Variants in SYT13 observed in about 807,000 individuals in gnomAD.
SYT13 encodes the protein synaptotagmin 13, also known as synaptotagmin-13.
SYT13 carries 21 observed loss-of-function variants against 38.6 expected under a neutral mutation model. That is an observed-to-expected ratio of 0.54 (90% CI 0.39 to 0.78). The LOEUF (loss-of-function observed/expected upper bound fraction) is 0.78, where lower values mean the gene tolerates loss of function less well. Among genes scored for constraint, SYT13 ranks in the 30% least tolerant of loss-of-function variants. The probability of loss-of-function intolerance (pLI) is 0.00; values close to 1 mark genes in which losing one functional copy is unlikely to be tolerated. For synonymous variants in SYT13, 241 were observed against 237.6 expected, an observed-to-expected ratio of 1.01 and a Z score of -0.13; for missense variants, 495 against 548.7, an observed-to-expected ratio of 0.90 and a Z score of 0.98.
chr11:45,244,132 C>T lies in SYT13; in HGVS notation c.1201G>A (p.Gly401Ser). ...TCCTCCCAGTGGCTGCGCTCAGAGC[C>T]CGAGGTGTGCAGGCCCAGGCTGCAG... is the stretch of plus-strand genomic sequence containing the variant. ...GHCSLGLHTS[G>S]SERSHWEEML... Residue 401 changes from glycine (G) to serine (S), a missense_variant, in exon 6 of 6, where the codon GGC becomes AGC. Coordinates refer to ENST00000020926, the MANE Select transcript of SYT13 (RefSeq NM_020826.3). 1 of 1,613,500 alleles carries T rather than the reference C, an allele frequency of 6.2e-7. No individual in the cohort carries two copies. Among genetic ancestry groups the T allele is most frequent in the Non-Finnish European group, 8.5e-7 (1 of 1,179,962 alleles).
At position 45,250,658 on chromosome 11, in the gene SYT13, A is replaced by T. The variant is rs114453422; in HGVS notation, c.846+1763T>A. Among the ~76,000 whole-genome samples the T allele has an allele frequency of 7.2e-3, 1,089 of 152,214 alleles. 14 individuals are homozygous for T. The highest frequency in any genetic ancestry group is 0.025 in the African/African-American group (1,042 of 41,508). On this transcript the variant is annotated intron_variant, in intron 4 of 5. Transcript: ENST00000020926. Reference sequence around the variant, plus strand: ...GTCCCAAATCACACACTAATTAGAGAGTGGGCTTTGGAACAGCTGAGTTCC... The same window carrying T: ...GTCCCAAATCACACACTAATTAGAGTGTGGGCTTTGGAACAGCTGAGTTCC...
rs771143622 is a variant in SYT13, at chr11:45,255,667, A to T, written c.408T>A (p.Asn136Lys). 2.5e-5 allele frequency: 41 copies of T among 1,613,844 alleles called. No homozygotes were observed. The South Asian group carries it at 3.8e-4, about 15-fold the overall frequency. The change falls in exon 2 of 6, where the codon AAT (asparagine) becomes AAA (lysine). Residue 136 changes from asparagine (N) to lysine (K), a missense_variant and splice_region_variant. Physicochemically the swap from Asn to Lys is moderately conservative, Grantham distance 94 (BLOSUM62 0). Coordinates refer to ENST00000020926, the MANE Select transcript of SYT13 (RefSeq NM_020826.3). The stretch of plus-strand genomic sequence containing the variant: ...GTGCAGGGGGCAGGAGACCCCTACC[A>T]TTCTGAGGGAGGATGAACAGCTCCT... ...VTEELFILPQ[N>K]GVVEDVCVME...
chr11:45,283,694 G>A (rs940763740), intron 1 of SYT13, among the ~76,000 whole-genome samples: 11 of 152,320 alleles, frequency 7.2e-5, no homozygotes, highest in African/African-American at 2.6e-4. Flanking sequence ...GGATGGGCAG[G>A]TATCATGTAT....
chr11:45,244,665 TCTC>T (rs1854593394), intron 5 of SYT13, among the ~76,000 whole-genome samples: 1 of 152,186 alleles, frequency 6.6e-6, no homozygotes, highest in African/African-American at 2.4e-5. Flanking sequence ...TGGGGATTAT[TCTC>T]CACTCCCCCA....
rs1409640582 is a variant in SYT13, at chr11:45,275,242, A to T, written c.183+10783T>A. 2.6e-5 allele frequency among the ~76,000 whole-genome samples: 4 copies of T among 152,216 alleles called. No individual in the cohort carries two copies. The East Asian group carries it at 7.7e-4, about 29-fold the overall frequency. ...AGTCCTGCTCAACTTTCTGTGACAGAAAAAGCATGTCTTGGACTTAATGAG... is the reference window on the plus strand; with the variant it reads ...AGTCCTGCTCAACTTTCTGTGACAGTAAAAGCATGTCTTGGACTTAATGAG... On this transcript the variant is annotated intron_variant, in intron 1 of 5. Coordinates refer to ENST00000020926, the MANE Select transcript of SYT13 (RefSeq NM_020826.3).
intron 2 of SYT13, 92 bp downstream of exon 2, chr11:45,255,574 T>A: frequency 7.7e-7 from 1 of 1,290,376 alleles, no homozygotes; most frequent in Non-Finnish European, 1.1e-6. Context: ...GCACTCGGCC[T>A]CCTCATCAGG....
At chr11:45,259,074 C>A (rs556992313) in intron 1 of SYT13, among the ~76,000 whole-genome samples, 1 of 152,222 alleles carries the variant, frequency 6.6e-6, no homozygotes, top group Admixed American at 6.5e-5. Flanking sequence ...CTCAACACCA[C>A]CCCCTTGCCC....
intron 1 of SYT13, among the ~76,000 whole-genome samples, chr11:45,282,790 A>G (rs1268044035): frequency 1.3e-5 from 2 of 152,172 alleles, no homozygotes; most frequent in Non-Finnish European, 2.9e-5. Flanking sequence ...TTTCCTATCC[A>G]AGACCACAAA....
In SYT13 at chr11:45,241,551, C is replaced by T. The variant is rs1212357433; in HGVS notation, c.*2501G>A. The T allele has an allele frequency of 8.4e-6, 1 of 118,874 alleles. No homozygotes were observed. Among genetic ancestry groups the T allele is most frequent in the Non-Finnish European group, 1.6e-5 (1 of 61,872 alleles). 7.4% of individuals were successfully genotyped at this position (118,874 alleles called of 1,614,324 possible). On this transcript the variant is annotated 3_prime_UTR_variant, in exon 6 of 6. Transcript: ENST00000020926. ...AAAGAAGAAGAAGAATGAAAGGATG[C>T]TTCATGACCAAATGATGATGGGTGG...
rs1278175622 is a variant in SYT13, at chr11:45,254,411, A to G, written c.410-7T>C. 5.6e-6 allele frequency: 9 copies of G among 1,610,350 alleles called. No individual in the cohort carries two copies. The highest frequency in any genetic ancestry group is 7.6e-6 in the Non-Finnish European group (9 of 1,178,714). On this transcript the variant is annotated splice_region_variant and splice_polypyrimidine_tract_variant and intron_variant, in intron 2 of 5. Coordinates refer to ENST00000020926, the MANE Select transcript of SYT13 (RefSeq NM_020826.3). Reference sequence around the variant, plus strand: ...CAGACATCCTCCACCACACCTGTTAAGAAAGTCGAAATCGTCACTGCCACC... The same window carrying G: ...CAGACATCCTCCACCACACCTGTTAGGAAAGTCGAAATCGTCACTGCCACC...
intron 3 of SYT13, 41 bp downstream of exon 3, chr11:45,254,229 T>C (rs777576466): frequency 5.2e-5 from 82 of 1,575,044 alleles, no homozygotes; most frequent in Admixed American, 2.5e-4. Flanking sequence ...CCAGGGGAGA[T>C]AGACACACAG....
chr11:45,263,472 G>T (rs990704116), intron 1 of SYT13, among the ~76,000 whole-genome samples: 1 of 152,176 alleles, frequency 6.6e-6, no homozygotes, highest in Non-Finnish European at 1.5e-5. Context: ...GGTTGCAGGT[G>T]GGGGAAGCAG....
chr11:45,284,935 C>G (rs1033751731), intron 1 of SYT13, among the ~76,000 whole-genome samples: 1 of 152,232 alleles, frequency 6.6e-6, no homozygotes, highest in Non-Finnish European at 1.5e-5. Flanking sequence ...TCTCACTGTA[C>G]AGTGACTGAC....
In SYT13 at chr11:45,255,747, C is replaced by T; in HGVS notation, c.328G>A (p.Ala110Thr). ...YSLRSTEEPTAPASPQPPNDS... is the reference protein window; with the variant it reads ...YSLRSTEEPTTPASPQPPNDS... ...TTCGGGGGTTGGGGGCTGGCAGGTG[C>T]AGTGGGCTCCTCCGTAGACCTCAGT... Residue 110 changes from alanine (A) to threonine (T), a missense_variant, in exon 2 of 6, where the codon GCA becomes ACA. Transcript: ENST00000020926. 1 of 1,614,152 alleles carries T rather than the reference C, an allele frequency of 6.2e-7. No individual in the cohort carries two copies. Among genetic ancestry groups the T allele is most frequent in the Non-Finnish European group, 8.5e-7 (1 of 1,180,016 alleles).
At chr11:45,254,515 C>T in intron 2 of SYT13, 111 bp from the exon 3 acceptor site, 1 of 1,458,852 alleles carries the variant, frequency 6.9e-7, no homozygotes, top group South Asian at 1.4e-5. Flanking sequence ...CAAGTCTTCC[C>T]AGCTGTGTGC....
intron 1 of SYT13, among the ~76,000 whole-genome samples, chr11:45,283,249 G>A (rs1328051794): frequency 6.6e-6 from 1 of 152,162 alleles, no homozygotes; most frequent in Admixed American, 6.5e-5. Context: ...AGATTTCTAG[G>A]AATAGCCTCC....
In SYT13 at chr11:45,284,817, G is replaced by A. The variant is rs573468250; in HGVS notation, c.183+1208C>T. 2.0e-5 allele frequency among the ~76,000 whole-genome samples: 3 copies of A among 152,270 alleles called. No individual in the cohort carries two copies. The East Asian group carries it at 5.8e-4, about 29-fold the overall frequency. ...GCCCACTATTCCCCTTTTCCAGATC[G>A]TCCCAAGTCCCACATTCTGCTGTGC... On this transcript the variant is annotated intron_variant, in intron 1 of 5. Coordinates refer to ENST00000020926, the MANE Select transcript of SYT13 (RefSeq NM_020826.3).
chr11:45,285,983 C>A, intron 1 of SYT13, 42 bp downstream of exon 1: 1 of 1,582,568 alleles, frequency 6.3e-7, no homozygotes, highest in East Asian at 2.3e-5. Context: ...GCCCGGCAAC[C>A]CCGCCTTGCC....
Position 45,247,058 on chromosome 11 carries a change from T to C in SYT13, c.847-546A>G, listed in dbSNP as rs374444242. Among the ~76,000 whole-genome samples, 8 of 152,284 alleles carry C rather than the reference T, an allele frequency of 5.3e-5. No individual in the cohort carries two copies. In the South Asian group the frequency reaches 8.3e-4, roughly 16 times the overall value. On this transcript the variant is annotated intron_variant, in intron 4 of 5. Transcript: ENST00000020926. Reference sequence around the variant, plus strand: ...GTCAATGAAGTGCTGGGGTGTATGATGGTAGATCATGCCCAGAGGCAACTG... The same window carrying C: ...GTCAATGAAGTGCTGGGGTGTATGACGGTAGATCATGCCCAGAGGCAACTG...
Sources: gnomAD v4.1 joint callset for allele counts (sites outside exome capture counted in the v4.1 genomes callset) on GRCh38, gnomAD v4.1.1 for gene constraint, MANE v1.5 for transcripts, NCBI Gene and HGNC (gene_info 2026-07-23, HGNC 2026-07-21) for gene names.